Variants in RPS6KA2 observed in about 807,000 individuals in gnomAD.
RPS6KA2 encodes ribosomal protein S6 kinase alpha-2.
Under a neutral mutation model 91.8 loss-of-function variants are expected in RPS6KA2, and 42 were observed. The observed-to-expected ratio is 0.46, with a 90% CI of 0.36 to 0.59. RPS6KA2 has a LOEUF of 0.59. Among genes scored for constraint, RPS6KA2 ranks in the 20% least tolerant of loss-of-function variants. The pLI, the probability that RPS6KA2 is intolerant of heterozygous loss-of-function variation, is 0.00. For synonymous variants in RPS6KA2, 414 were observed against 393.6 expected, an observed-to-expected ratio of 1.05 and a Z score of -0.61; for missense variants, 798 against 978.5, an observed-to-expected ratio of 0.82 and a Z score of 2.46.
chr6:166,587,365 C>T (rs541117778), intron 1 of RPS6KA2, among the ~76,000 whole-genome samples: 7 of 152,176 alleles, frequency 4.6e-5, no homozygotes, highest in Non-Finnish European at 8.8e-5. Context: ...CCATCAAAAT[C>T]AGTTCTAATC....
chr6:166,611,818 A>T (rs955045672), intron 1 of RPS6KA2, among the ~76,000 whole-genome samples: 2 of 152,210 alleles, frequency 1.3e-5, no homozygotes, highest in African/African-American at 2.4e-5. Flanking sequence ...CTCCACAGCC[A>T]CTGGGCAGGG....
chr6:166,665,069 AC>A lies in RPS6KA2; in HGVS notation c.124-126286del, dbSNP rs1788277004. Among the ~76,000 whole-genome samples, 1 of 152,052 alleles carries A rather than the reference AC, an allele frequency of 6.6e-6. No homozygotes were observed. On this transcript the variant is annotated intron_variant, in intron 2 of 21. Coordinates refer to the RPS6KA2 transcript ENST00000503859. This position sits in a 1 kb window ranked among gnomAD's most constrained non-coding sequence, Gnocchi z 4.5. ...AGACCAACCTGGGCAAAATAGTGAGACCCCATCTCTACAAAAAATAAAATTA... is the reference window on the plus strand; with the variant it reads ...AGACCAACCTGGGCAAAATAGTGAGACCCATCTCTACAAAAAATAAAATTA...
At chr6:166,676,142 C>A (rs1788613688) in intron 2 of RPS6KA2, among the ~76,000 whole-genome samples, 1 of 152,040 alleles carries the variant, frequency 6.6e-6, no homozygotes, top group Non-Finnish European at 1.5e-5. Context: ...CATGATGAAA[C>A]CTTGTCTCTA....
rs1784202354 is a variant in RPS6KA2, at chr6:166,557,205, C to T, written c.100-18421G>A. ...TGATCTACGGCAGGCAGTTCCCACC[C>T]AGCCAACAGGCAGAGGCAGCTGCAG... On this transcript the variant is annotated intron_variant, in intron 1 of 20. Transcript: ENST00000265678. The surrounding 1 kb of genome is among the most constrained non-coding windows in gnomAD (Gnocchi z 4.8). 6.6e-6 allele frequency among the ~76,000 whole-genome samples: 1 copy of T among 152,266 alleles called. No homozygotes were observed. The highest frequency in any genetic ancestry group is 6.5e-5 in the Admixed American group (1 of 15,288).
chr6:166,851,085 G>A (rs953644679), intron 2 of RPS6KA2, among the ~76,000 whole-genome samples: 5 of 152,144 alleles, frequency 3.3e-5, no homozygotes, highest in Non-Finnish European at 5.9e-5. Context: ...TTGGTGCCTC[G>A]ATTTCACCAC....
At chr6:166,661,744 T>C (rs1232377532) in intron 2 of RPS6KA2, among the ~76,000 whole-genome samples, 1 of 152,214 alleles carries the variant, frequency 6.6e-6, no homozygotes, top group Non-Finnish European at 1.5e-5. Context: ...TTCTTTCCTT[T>C]GCATGCATGC....
At chr6:166,776,446 C>T (rs1778622046) in intron 2 of RPS6KA2, among the ~76,000 whole-genome samples, 1 of 152,112 alleles carries the variant, frequency 6.6e-6, no homozygotes, top group African/African-American at 2.4e-5. Flanking sequence ...AGGTGAATTT[C>T]ACACAACAAA....
Position 166,433,917 on chromosome 6 carries a change from C to T in RPS6KA2, c.1333-1427G>A, listed in dbSNP as rs56679124. On this transcript the variant is annotated intron_variant, in intron 14 of 20. Transcript: ENST00000265678. This position sits in a 1 kb window ranked among gnomAD's most constrained non-coding sequence, Gnocchi z 4.4. Reference sequence around the variant, plus strand: ...CTACAGAGGTGTGTGCCACCCTACTCAGCTAATTTTTAAATTCTTTGTAGA... The same window carrying T: ...CTACAGAGGTGTGTGCCACCCTACTTAGCTAATTTTTAAATTCTTTGTAGA... Among the ~76,000 whole-genome samples the T allele has an allele frequency of 0.029, 4,432 of 152,066 alleles. 209 individuals carry two copies. The highest frequency in any genetic ancestry group is 0.1 in the African/African-American group (4,190 of 41,456).
intron 6 of RPS6KA2, among the ~76,000 whole-genome samples, chr6:166,502,426 C>T (rs559784392): frequency 1.3e-5 from 2 of 152,330 alleles, no homozygotes; most frequent in Admixed American, 6.5e-5. Context: ...TCTAGTTGAA[C>T]AACACAACCT....
At chr6:166,580,704 C>T (rs144179392) in intron 1 of RPS6KA2, among the ~76,000 whole-genome samples, 428 of 148,656 alleles carry the variant, frequency 2.9e-3, no homozygotes, top group African/African-American at 8.0e-3. Context: ...CCAGTGAGGA[C>T]GGATGAGACC....
At chr6:166,480,990 C>T (rs9348140) in intron 10 of RPS6KA2, among the ~76,000 whole-genome samples, 1,846 of 152,170 alleles carry the variant, frequency 0.012, 21 homozygotes, top group South Asian at 0.041. Context: ...TGATGCTTTT[C>T]GCCCAATTTT....
intron 17 of RPS6KA2, among the ~76,000 whole-genome samples, chr6:166,421,967 T>C (rs2128441168): frequency 6.6e-6 from 1 of 152,286 alleles, no homozygotes; most frequent in African/African-American, 2.4e-5. Context: ...TGGCGTGATC[T>C]CGGCTCACTG....
intron 7 of RPS6KA2, among the ~76,000 whole-genome samples, 156 bp from the exon 8 acceptor site, chr6:166,498,806 TCCCGAAG>T (rs1562536113): frequency 3.3e-5 from 5 of 152,044 alleles, no homozygotes; most frequent in Non-Finnish European, 1.5e-5. Context: ...TGTGAGTGCT[TCCCGAAG>T]CCCGTCAGTG....
chr6:166,757,924 T>G, intron 2 of RPS6KA2: 1 of 204,302 alleles, frequency 4.9e-6, no homozygotes, highest in Non-Finnish European at 1.0e-5. Context: ...CTCATGCTGC[T>G]CCGAATCCCA....
intron 2 of RPS6KA2, among the ~76,000 whole-genome samples, chr6:166,776,056 G>A (rs562305418): frequency 4.6e-5 from 7 of 152,344 alleles, no homozygotes; most frequent in Admixed American, 2.0e-4. Flanking sequence ...CAGCCACAGC[G>A]GTGCTGGAGA....
intron 1 of RPS6KA2, among the ~76,000 whole-genome samples, chr6:166,597,928 C>T (rs1785597774): frequency 6.6e-6 from 1 of 152,170 alleles, no homozygotes; most frequent in South Asian, 2.1e-4. Flanking sequence ...CCTGTCAGAA[C>T]CACTGCAGTC....
At chr6:166,800,310 G>C (rs1352170141) in intron 2 of RPS6KA2, among the ~76,000 whole-genome samples, 1 of 152,198 alleles carries the variant, frequency 6.6e-6, no homozygotes, top group Non-Finnish European at 1.5e-5. Flanking sequence ...GGAGGACATG[G>C]GGGAGCAGCC....
At chr6:166,536,438 G>A (rs557221870) in intron 2 of RPS6KA2, among the ~76,000 whole-genome samples, 59 of 152,238 alleles carry the variant, frequency 3.9e-4, no homozygotes, top group African/African-American at 1.2e-3. Flanking sequence ...TCTCCCCCTC[G>A]TCATCAGTTT....
chr6:166,715,674 C>T (rs1011199591), intron 2 of RPS6KA2, among the ~76,000 whole-genome samples: 10 of 152,282 alleles, frequency 6.6e-5, no homozygotes, highest in South Asian at 2.1e-4. Flanking sequence ...GCTCCTAGGC[C>T]GGAGCCTGCA....
Sources: allele counts gnomAD v4.1 joint callset (sites outside exome capture counted in the v4.1 genomes callset), GRCh38; gene constraint gnomAD v4.1.1; non-coding constraint Gnocchi (gnomAD v3.1); transcripts MANE v1.5; gene names NCBI Gene and HGNC (gene_info 2026-07-23, HGNC 2026-07-21).